Variants in FAM76B observed in about 807,000 individuals in gnomAD.
FAM76B encodes the protein protein FAM76B.
In FAM76B, 16 loss-of-function variants were observed where a neutral mutation model predicts 51.8. The observed-to-expected ratio is 0.31, with a 90% confidence interval of 0.21 to 0.47. The LOEUF is 0.47. FAM76B is among the 20% of genes least tolerant of loss of function. FAM76B has a pLI of 1.00. For synonymous variants in FAM76B, 166 were observed against 129.5 expected (o/e 1.28, Z -1.91); for missense variants, 342 against 392.6 (o/e 0.87, Z 1.09).
At chr11:95,779,756 T>C (rs528915839) in intron 6 of FAM76B, 69 bp from the exon 7 acceptor site, 5 of 1,574,202 alleles carry the variant, frequency 3.2e-6, no homozygotes, top group East Asian at 2.3e-5. Flanking sequence ...AAGTTATTCA[T>C]CTTCCCCTAA....
At chr11:95,783,457 TAGG>T (rs1391601393) in intron 4 of FAM76B, among the ~76,000 whole-genome samples, 193 bp from the exon 5 acceptor site, 1 of 152,214 alleles carries the variant, frequency 6.6e-6, no homozygotes, top group Admixed American at 6.5e-5. Flanking sequence ...AAATACTTGT[TAGG>T]AGAATTATAA....
At chr11:95,788,980 C>A (rs1246649613) in intron 1 of FAM76B, 6 of 1,347,810 alleles carry the variant, frequency 4.5e-6, no homozygotes, top group Admixed American at 4.4e-5. Flanking sequence ...ATCAGCTTTG[C>A]GGCTTCGGGT....
intron 2 of FAM76B, among the ~76,000 whole-genome samples, chr11:95,788,157 CAG>C (rs1860706859): frequency 2.6e-5 from 4 of 152,218 alleles, no homozygotes; most frequent in Non-Finnish European, 4.4e-5. Flanking sequence ...CCTTGGAAGG[CAG>C]TTGGTAACAC....
At chr11:95,785,580 A>C (rs770101718) in intron 4 of FAM76B, among the ~76,000 whole-genome samples, 8 of 152,200 alleles carry the variant, frequency 5.3e-5, no homozygotes, top group Admixed American at 1.3e-4. Flanking sequence ...AAGCCCCTCA[A>C]AGAGGTAGTC....
chr11:95,774,484 T>C (rs1024060854), intron 9 of FAM76B, among the ~76,000 whole-genome samples: 2 of 151,322 alleles, frequency 1.3e-5, no homozygotes, highest in East Asian at 1.9e-4. Flanking sequence ...TTTTGAACAG[T>C]GGGGAGCACT....
chr11:95,788,439 C>CA, intron 2 of FAM76B, 60 bp downstream of exon 2: 1 of 1,318,188 alleles, frequency 7.6e-7, no homozygotes, highest in Non-Finnish European at 1.1e-6. Context: ...TTACAACCCC[C>CA]AAGTATTCCA....
intron 4 of FAM76B, 61 bp downstream of exon 4, chr11:95,786,058 T>A (rs988697604): frequency 6.4e-7 from 1 of 1,563,196 alleles, no homozygotes. Flanking sequence ...AATTATAATT[T>A]CCAACTTGTT....
intron 9 of FAM76B, among the ~76,000 whole-genome samples, chr11:95,774,181 TATAG>T (rs1457262777): frequency 2.6e-5 from 4 of 151,256 alleles, no homozygotes; most frequent in Non-Finnish European, 5.9e-5. Flanking sequence ...CAGGGAAAAG[TATAG>T]ATAAACTGGA....
chr11:95,783,165 T>G lies in FAM76B; in HGVS notation c.463A>C (p.Asn155His), dbSNP rs527683485. 1 of 1,613,890 alleles carries G rather than the reference T, an allele frequency of 6.2e-7. No homozygotes were observed. Among genetic ancestry groups the G allele is most frequent in the South Asian group, 1.1e-5 (1 of 91,056 alleles). ...QRKSLGSSHS[N>H]SSSSSLTEKD... is the part of the protein sequence containing the mutation. ...TCAGTAAGAGATGAAGAAGATGAAT[T>G]TGAATGTGAAGATCCCAGGCTCTTC... The change falls in exon 5 of 10, where the codon AAT (asparagine) becomes CAT (histidine). Residue 155 changes from asparagine (N) to histidine (H), a missense_variant. Asn to His is a moderately conservative substitution (Grantham distance 68). This residue lies in a region of FAM76B where 230 missense variants were observed against 257.4 expected (regional missense o/e 0.89). Transcript: ENST00000358780.
Position 95,789,567 on chromosome 11 carries a change from G to GCTC in FAM76B, c.-92_-90dup, listed in dbSNP as rs965171880. Reference sequence around the variant, plus strand: ...AGAGCCGCCGCCGCCCGGGCCGCGGGCTCCTCCTCCTCCCCCTCCCCCTGC... The same window carrying GCTC: ...AGAGCCGCCGCCGCCCGGGCCGCGGGCTCCTCCTCCTCCTCCCCCTCCCCCTGC... On this transcript the variant is annotated 5_prime_UTR_variant, in exon 1 of 10. Coordinates refer to ENST00000358780, the MANE Select transcript of FAM76B (RefSeq NM_144664.5). 1,376 of 1,223,510 alleles carry GCTC rather than the reference G, an allele frequency of 1.1e-3. 11 individuals carry two copies. The highest frequency in any genetic ancestry group is 6.1e-4 in the South Asian group (44 of 71,812). 75.8% of individuals were successfully genotyped at this position (1,223,510 alleles called of 1,614,324 possible).
At chr11:95,774,140 G>A (rs1473704531) in intron 9 of FAM76B, among the ~76,000 whole-genome samples, 1 of 151,200 alleles carries the variant, frequency 6.6e-6, no homozygotes, top group African/African-American at 2.4e-5. Flanking sequence ...GAAAACCTGA[G>A]GAACCTGAAG....
intron 1 of FAM76B, chr11:95,788,980 C>T: frequency 2.2e-6 from 3 of 1,347,928 alleles, no homozygotes; most frequent in Non-Finnish European, 2.9e-6. Flanking sequence ...ATCAGCTTTG[C>T]GGCTTCGGGT....
intron 5 of FAM76B, among the ~76,000 whole-genome samples, chr11:95,781,358 T>G (rs1459979319): frequency 6.6e-6 from 1 of 152,150 alleles, no homozygotes; most frequent in Non-Finnish European, 1.5e-5. Flanking sequence ...GATAGGACCC[T>G]ACAAAGTAAC....
At chr11:95,782,298 A>C (rs1461013876) in intron 5 of FAM76B, among the ~76,000 whole-genome samples, 2 of 152,156 alleles carry the variant, frequency 1.3e-5, no homozygotes, top group African/African-American at 4.8e-5. Flanking sequence ...AATGTATGGG[A>C]CCACCTATAG....
At chr11:95,787,770 A>G in intron 2 of FAM76B, 92 bp from the exon 3 acceptor site, 1 of 1,100,122 alleles carries the variant, frequency 9.1e-7, no homozygotes, top group Non-Finnish European at 1.3e-6. Flanking sequence ...GATTTGTTGT[A>G]CTTAAAACTT....
Position 95,768,964 on chromosome 11 carries a change from G to A in FAM76B, c.*2597C>T, listed in dbSNP as rs3177463. 27 of 152,152 alleles carry A rather than the reference G, an allele frequency of 1.8e-4. No individual in the cohort carries two copies. The highest frequency in any genetic ancestry group is 1.6e-3 in the Admixed American group (24 of 15,214). The allele number at this position is 152,152 out of a possible 1,614,324, so 9.4% of individuals were successfully genotyped here. A position where few individuals can be genotyped will look rare whatever the true frequency, so the allele number is the denominator to read the frequency against. ...AAAACTAATACAAAGCCTTTGACAA[G>A]TTTTTTATTGTGAAATATTGGATCT... On this transcript the variant is annotated 3_prime_UTR_variant, in exon 10 of 10. Coordinates refer to ENST00000358780, the MANE Select transcript of FAM76B (RefSeq NM_144664.5).
At chr11:95,786,453 A>G (rs1247538658) in intron 3 of FAM76B, 179 bp from the exon 4 acceptor site, 14 of 554,794 alleles carry the variant, frequency 2.5e-5, no homozygotes, top group Non-Finnish European at 4.3e-5. Flanking sequence ...TATGCATTCA[A>G]CTAGTATTTA....
At chr11:95,789,108 G>A (rs753799138) in intron 1 of FAM76B, 236 of 1,394,206 alleles carry the variant, frequency 1.7e-4, no homozygotes, top group Non-Finnish European at 2.1e-4. Context: ...ATAGACAGGT[G>A]GCTGCCTCAC....
chr11:95,783,363 G>GT, intron 4 of FAM76B, 99 bp from the exon 5 acceptor site: 5 of 968,398 alleles, frequency 5.2e-6, no homozygotes, highest in Non-Finnish European at 7.8e-6. Context: ...TATTCCACAC[G>GT]TAACATGCAC....
Sources: gnomAD v4.1 joint callset for allele counts (sites outside exome capture counted in the v4.1 genomes callset) on GRCh38, gnomAD v4.1.1 for gene constraint, gnomAD v4.1.1 regional missense constraint, MANE v1.5 for transcripts, NCBI Gene and HGNC (gene_info 2026-07-23, HGNC 2026-07-21) for gene names.